The following FMN2 variants were observed in gnomAD, a reference collection of about 807,000 sequenced individuals.
The protein encoded by FMN2 is formin-2.
Under a neutral mutation model 142.3 loss-of-function variants are expected in FMN2, and 51 were observed. The ratio of observed to expected loss-of-function variants is 0.36; its 90% CI spans 0.29 to 0.45. FMN2 has a LOEUF of 0.45. FMN2 is among the 20% of genes least tolerant of loss of function. The pLI is 1.00. For missense variants in FMN2, 1,936 were observed against 2,122.8 expected (o/e 0.91, Z 1.73); for synonymous variants, 882 against 869.8 (o/e 1.01, Z -0.25).
Position 240,347,656 on chromosome 1 carries a change from T to C in FMN2, c.4766-8160T>C, listed in dbSNP as rs1373642796. Reference sequence around the variant, plus strand: ...CCCCTCACTCAGGTAGTAAGCATAGTACCCAACAGGTAGTTTTTCAGCTCT... The same window carrying C: ...CCCCTCACTCAGGTAGTAAGCATAGCACCCAACAGGTAGTTTTTCAGCTCT... On this transcript the variant is annotated intron_variant, in intron 13 of 17. Coordinates refer to ENST00000319653, the MANE Select transcript of FMN2 (RefSeq NM_020066.5). Among the ~76,000 whole-genome samples the C allele has an allele frequency of 5.3e-5, 8 of 152,296 alleles. No individual in the cohort carries two copies. In the East Asian group the frequency reaches 1.5e-3, roughly 29 times the overall value.
intron 16 of FMN2, chr1:240,458,565 T>C (rs546870523): frequency 6.6e-6 from 1 of 152,334 alleles, no homozygotes; most frequent in South Asian, 2.1e-4. Flanking sequence ...CCAATAGAGC[T>C]TAACTTTATA....
At chr1:240,439,716 C>G (rs1386023711) in intron 16 of FMN2, among the ~76,000 whole-genome samples, 1 of 152,150 alleles carries the variant, frequency 6.6e-6, no homozygotes, top group African/African-American at 2.4e-5. Context: ...GAGATAATTG[C>G]TTAAAAATAA....
chr1:240,456,550 G>A (rs1404938157), intron 16 of FMN2, among the ~76,000 whole-genome samples: 1 of 152,158 alleles, frequency 6.6e-6, no homozygotes, highest in Non-Finnish European at 1.5e-5. Flanking sequence ...TCTGCCTCCC[G>A]AGTTCAAGTG....
At chr1:240,110,898 GA>G (rs1053661818) in intron 1 of FMN2, among the ~76,000 whole-genome samples, 3 of 151,536 alleles carry the variant, frequency 2.0e-5, no homozygotes, top group East Asian at 3.8e-4. Context: ...TAAATTTAAG[GA>G]AAAAAACCCA....
At chr1:240,441,380 G>C (rs557010421) in intron 16 of FMN2, among the ~76,000 whole-genome samples, 1 of 152,148 alleles carries the variant, frequency 6.6e-6, no homozygotes, top group Admixed American at 6.5e-5. Flanking sequence ...GGAAATGCCA[G>C]TGTGGTCATT....
At chr1:240,115,890 A>G (rs1571941614) in intron 1 of FMN2, among the ~76,000 whole-genome samples, 1 of 152,312 alleles carries the variant, frequency 6.6e-6, no homozygotes, top group East Asian at 1.9e-4. Context: ...CATATGCTAA[A>G]CAAGGGGTGG....
chr1:240,263,541 C>T (rs1214393044), intron 7 of FMN2, among the ~76,000 whole-genome samples: 1 of 152,144 alleles, frequency 6.6e-6, no homozygotes, highest in African/African-American at 2.4e-5. Context: ...CCATTGAAAG[C>T]CCATTTCAGA....
intron 16 of FMN2, chr1:240,472,121 TTA>T (rs771004515): frequency 1.8e-4 from 69 of 377,490 alleles, no homozygotes; most frequent in Non-Finnish European, 2.3e-5. Flanking sequence ...ATAGAAATTC[TTA>T]TGTGTTTGTA....
At chr1:240,163,526 T>C (rs1394536766) in intron 2 of FMN2, among the ~76,000 whole-genome samples, 5 of 152,220 alleles carry the variant, frequency 3.3e-5, no homozygotes, top group Non-Finnish European at 7.3e-5. Flanking sequence ...TTGCCTTCTT[T>C]AGTTTAAAAT....
intron 6 of FMN2, among the ~76,000 whole-genome samples, chr1:240,243,397 C>G (rs545239555): frequency 6.6e-6 from 1 of 151,950 alleles, no homozygotes; most frequent in South Asian, 2.1e-4. Flanking sequence ...CTAAAGAGTT[C>G]TTGGAGAAAT....
intron 8 of FMN2, among the ~76,000 whole-genome samples, chr1:240,307,673 G>A (rs998790998): frequency 6.6e-6 from 1 of 152,190 alleles, no homozygotes. Context: ...CCAGTAATAT[G>A]ATGCCTCTGG....
At chr1:240,170,067 C>T (rs900123695) in intron 2 of FMN2, 1 of 584,396 alleles carries the variant, frequency 1.7e-6, no homozygotes, top group Admixed American at 3.0e-5. Flanking sequence ...CACAGATAAG[C>T]CAATCATGGA....
intron 8 of FMN2, among the ~76,000 whole-genome samples, chr1:240,324,247 C>T (rs10495463): frequency 0.56 from 84,436 of 152,022 alleles, 24,492 homozygotes; most frequent in African/African-American, 0.73. Flanking sequence ...TTGATTTATA[C>T]ACTATTCTGG....
At chr1:240,333,721 A>G (rs1671460484) in intron 11 of FMN2, among the ~76,000 whole-genome samples, 166 bp from the exon 12 acceptor site, 1 of 152,116 alleles carries the variant, frequency 6.6e-6, no homozygotes, top group South Asian at 2.1e-4. Context: ...TTAAGCCACC[A>G]AACTCCTTAG....
chr1:240,454,223 T>C (rs1423199198), intron 16 of FMN2, among the ~76,000 whole-genome samples: 1 of 152,170 alleles, frequency 6.6e-6, no homozygotes, highest in Non-Finnish European at 1.5e-5. Flanking sequence ...CAACTCACTC[T>C]TGCTGAGCAT....
chr1:240,366,539 T>TTG (rs1672674295), intron 14 of FMN2, among the ~76,000 whole-genome samples: 2 of 151,532 alleles, frequency 1.3e-5, no homozygotes, highest in African/African-American at 4.9e-5. Context: ...TTCTATCCTT[T>TTG]TTTTTTTTTT....
At chr1:240,225,939 T>TA (rs771563123) in intron 6 of FMN2, among the ~76,000 whole-genome samples, 10 of 152,124 alleles carry the variant, frequency 6.6e-5, no homozygotes, top group Non-Finnish European at 8.8e-5. Context: ...AACGATCGAT[T>TA]AGTGGTGACA....
chr1:240,359,980 AC>A (rs1672406317), intron 14 of FMN2, among the ~76,000 whole-genome samples: 1 of 152,108 alleles, frequency 6.6e-6, no homozygotes, highest in Non-Finnish European at 1.5e-5. Context: ...AGGTCTAGCA[AC>A]CCTTGTTAAG....
At chr1:240,301,517 AGTATCT>A (rs1241561538) in intron 8 of FMN2, among the ~76,000 whole-genome samples, 2 of 152,030 alleles carry the variant, frequency 1.3e-5, no homozygotes, top group South Asian at 4.1e-4. Context: ...AGCCTAAGGA[AGTATCT>A]GTAGTGTATT....
Sources: gnomAD v4.1 joint callset for allele counts (sites outside exome capture counted in the v4.1 genomes callset) on GRCh38, gnomAD v4.1.1 for gene constraint, MANE v1.5 for transcripts, NCBI Gene and HGNC (gene_info 2026-07-23, HGNC 2026-07-21) for gene names.